The following FAM227B variants were observed in gnomAD, a reference collection of about 807,000 sequenced individuals.
FAM227B encodes family with sequence similarity 227 member B.
FAM227B carries 88 observed loss-of-function variants against 73.8 expected under a neutral mutation model. The observed-to-expected ratio is 1.19, with a 90% CI of 1.00 to 1.42. The LOEUF (loss-of-function observed/expected upper bound fraction) is 1.42. Among genes scored for constraint, FAM227B ranks in the 40% most tolerant of loss-of-function variants. The pLI is 0.00. For synonymous variants in FAM227B, 210 were observed against 190.5 expected (o/e 1.10, Z -0.84); for missense variants, 632 against 590.9 (o/e 1.07, Z -0.72).
chr15:49,529,786 C>A (rs2060476534), intron 10 of FAM227B, among the ~76,000 whole-genome samples: 1 of 151,676 alleles, frequency 6.6e-6, no homozygotes, highest in Non-Finnish European at 1.5e-5. Context: ...ATCTCTAAAT[C>A]TTGGCTAGCA....
chr15:49,543,011 T>C (rs1451230969), intron 9 of FAM227B, among the ~76,000 whole-genome samples: 1 of 152,174 alleles, frequency 6.6e-6, no homozygotes, highest in Non-Finnish European at 1.5e-5. Flanking sequence ...TCTTTTCCTC[T>C]GGGTAGATAC....
chr15:49,498,745 C>A (rs1487512742), intron 11 of FAM227B, among the ~76,000 whole-genome samples: 1 of 152,182 alleles, frequency 6.6e-6, no homozygotes, highest in Admixed American at 6.5e-5. Context: ...TGAAATGACA[C>A]CCATAGACTC....
chr15:49,587,988 A>G, intron 5 of FAM227B, 28 bp downstream of exon 5: 2 of 1,404,034 alleles, frequency 1.4e-6, no homozygotes, highest in Non-Finnish European at 1.9e-6. Flanking sequence ...TCCAACTTTC[A>G]AGGATGATAA....
chr15:49,335,554 G>A (rs1368975367), intron 13 of FAM227B, 58 bp from the exon 14 acceptor site: 1 of 1,328,608 alleles, frequency 7.5e-7, no homozygotes, highest in Non-Finnish European at 1.1e-6. Flanking sequence ...GAAGTAAACA[G>A]TACCCTTCAC....
At chr15:49,557,247 T>C (rs2073800971) in intron 9 of FAM227B, among the ~76,000 whole-genome samples, 1 of 147,674 alleles carries the variant, frequency 6.8e-6, no homozygotes, top group African/African-American at 2.5e-5. Context: ...ATATATGTCT[T>C]TTTTTTTCTT....
At chr15:49,516,573 A>G (rs1392297137) in intron 10 of FAM227B, among the ~76,000 whole-genome samples, 3 of 152,038 alleles carry the variant, frequency 2.0e-5, no homozygotes, top group African/African-American at 4.8e-5. Flanking sequence ...TCTAAATCCT[A>G]GGCAGAAGCC....
intron 11 of FAM227B, among the ~76,000 whole-genome samples, chr15:49,402,034 G>A (rs1317976738): frequency 6.6e-6 from 1 of 151,972 alleles, no homozygotes; most frequent in Non-Finnish European, 1.5e-5. Flanking sequence ...TACCAAAACT[G>A]CATTCCAGCT....
Position 49,331,761 on chromosome 15 carries a change from T to G in FAM227B, c.1419+19A>C. 3 of 1,479,206 alleles carry G rather than the reference T, an allele frequency of 2.0e-6. No homozygotes were observed. Among genetic ancestry groups the G allele is most frequent in the Non-Finnish European group, 2.8e-6 (3 of 1,057,588 alleles). 91.6% of individuals were successfully genotyped at this position (1,479,206 alleles called of 1,614,324 possible). On this transcript the variant is annotated intron_variant, in intron 15 of 15. Transcript: ENST00000299338. Reference sequence around the variant, plus strand: ...AGCTAGAGAGAGAATTCTCAATTATTTTCAGAAAGAAAACCTACCAGTTTA... The same window carrying G: ...AGCTAGAGAGAGAATTCTCAATTATGTTCAGAAAGAAAACCTACCAGTTTA...
chr15:49,607,523 G>A (rs930697339), intron 3 of FAM227B, among the ~76,000 whole-genome samples: 8 of 152,184 alleles, frequency 5.3e-5, no homozygotes, highest in African/African-American at 7.2e-5. Context: ...AGTTGAGGGA[G>A]AAGGAAGAGG....
At chr15:49,357,374 T>G (rs2043339725) in intron 13 of FAM227B, among the ~76,000 whole-genome samples, 1 of 148,336 alleles carries the variant, frequency 6.7e-6, no homozygotes, top group Admixed American at 6.7e-5. Flanking sequence ...AAGAATCAAA[T>G]AGACGCAATA....
chr15:49,353,910 T>C (rs1311137263), intron 13 of FAM227B: 2 of 152,232 alleles, frequency 1.3e-5, no homozygotes, highest in South Asian at 2.1e-4. Flanking sequence ...ATAGTTACTT[T>C]AGTAATAACT....
At chr15:49,451,076 T>A (rs1425240575) in intron 11 of FAM227B, among the ~76,000 whole-genome samples, 1 of 152,102 alleles carries the variant, frequency 6.6e-6, no homozygotes, top group African/African-American at 2.4e-5. Flanking sequence ...AAATTTTAAG[T>A]CAGATATAAT....
At chr15:49,581,136 G>A (rs1378194021) in intron 5 of FAM227B, among the ~76,000 whole-genome samples, 1 of 152,078 alleles carries the variant, frequency 6.6e-6, no homozygotes, top group African/African-American at 2.4e-5. Flanking sequence ...ACCCTTGTGA[G>A]ATACTATACA....
intron 11 of FAM227B, among the ~76,000 whole-genome samples, chr15:49,416,151 A>C (rs1261760868): frequency 3.3e-4 from 23 of 70,166 alleles, no homozygotes; most frequent in South Asian, 6.5e-4. Flanking sequence ...CCCACCCCCC[A>C]CCCCCCACCA....
intron 9 of FAM227B, among the ~76,000 whole-genome samples, chr15:49,547,176 AT>A (rs1405817245): frequency 6.6e-6 from 1 of 152,210 alleles, no homozygotes. Context: ...ATCCAGCCAA[AT>A]TAAGCCTCAT....
chr15:49,396,347 CG>C (rs1213596474), intron 11 of FAM227B: 3 of 325,712 alleles, frequency 9.2e-6, no homozygotes, highest in East Asian at 2.3e-4. Flanking sequence ...GAGGGTCCTA[CG>C]CCCACGGAGT....
intron 11 of FAM227B, among the ~76,000 whole-genome samples, chr15:49,404,478 G>A (rs2048379307): frequency 6.6e-6 from 1 of 151,938 alleles, no homozygotes; most frequent in East Asian, 1.9e-4. Context: ...GGATAGTTAG[G>A]TCTTCTTACT....
intron 9 of FAM227B, among the ~76,000 whole-genome samples, chr15:49,567,543 C>A (rs2074757136): frequency 6.6e-6 from 1 of 152,138 alleles, no homozygotes; most frequent in Non-Finnish European, 1.5e-5. Context: ...TTTATATATT[C>A]ATCATGAAAG....
At chr15:49,529,517 G>C (rs993976908) in intron 10 of FAM227B, among the ~76,000 whole-genome samples, 3 of 151,586 alleles carry the variant, frequency 2.0e-5, no homozygotes, top group African/African-American at 7.3e-5. Context: ...GAAAATGTAG[G>C]TTTGATTTTT....
Sources: allele counts gnomAD v4.1 joint callset (sites outside exome capture counted in the v4.1 genomes callset), GRCh38; gene constraint gnomAD v4.1.1; transcripts MANE v1.5; gene names NCBI Gene and HGNC (gene_info 2026-07-23, HGNC 2026-07-21).